NFE2L2: variants seen among roughly 807,000 people sequenced by gnomAD.
The protein encoded by NFE2L2 is NFE2 like bZIP transcription factor 2.
Under a neutral mutation model 49.6 loss-of-function variants are expected in NFE2L2, and 20 were observed. The observed-to-expected ratio is 0.40, with a 90% CI of 0.28 to 0.59. The LOEUF (loss-of-function observed/expected upper bound fraction) is 0.59. Among genes scored for constraint, NFE2L2 ranks in the 20% least tolerant of loss-of-function variants. The probability of loss-of-function intolerance (pLI) is 0.40; values close to 1 mark genes in which losing one functional copy is unlikely to be tolerated. For synonymous variants in NFE2L2, 244 were observed against 256.5 expected (o/e 0.95, Z 0.47); for missense variants, 578 against 714.2 (o/e 0.81, Z 2.17).
chr2:177,244,552 A>G (rs1690057380), intron 1 of NFE2L2, among the ~76,000 whole-genome samples: 1 of 152,192 alleles, frequency 6.6e-6, no homozygotes, highest in Admixed American at 6.5e-5. Flanking sequence ...CTGCACAGAA[A>G]GACCTCACAG....
In NFE2L2 at chr2:177,232,409, A is replaced by C. The variant is rs772340979; in HGVS notation, c.577T>G (p.Ser193Ala). ...DIEQVWEELL[S>A]IPELQCLNIE... ...TTAGTTACCTGTAACTCAGGAATGG[A>C]TAATAGCTCCTCCCAAACTTGCTCA... The change falls in exon 4 of 5, where the codon TCC (serine) becomes GCC (alanine). Residue 193 changes from serine to alanine, a missense_variant. Physicochemically the swap from Ser to Ala is moderately conservative, Grantham distance 99. Around this residue, in one of 3 missense-constraint regions of NFE2L2, gnomAD observed 368 missense variants for 384.6 expected, o/e 0.96. Transcript: ENST00000397062. 1 of 1,613,616 alleles carries C rather than the reference A, an allele frequency of 6.2e-7. No homozygotes were observed.
chr2:177,252,562 C>T (rs1690381327), intron 1 of NFE2L2, among the ~76,000 whole-genome samples: 1 of 152,142 alleles, frequency 6.6e-6, no homozygotes, highest in African/African-American at 2.4e-5. Flanking sequence ...CTCTCTGTGC[C>T]ACCTTGAGGA....
intron 1 of NFE2L2, among the ~76,000 whole-genome samples, chr2:177,259,801 G>A (rs1044826635): frequency 6.6e-5 from 10 of 152,000 alleles, no homozygotes; most frequent in Admixed American, 5.2e-4. Context: ...GCGTGGTGGC[G>A]GGTGCCTGTA....
At chr2:177,252,627 C>T (rs187858565) in intron 1 of NFE2L2, among the ~76,000 whole-genome samples, 1 of 145,080 alleles carries the variant, frequency 6.9e-6, no homozygotes, top group Admixed American at 7.1e-5. Context: ...TTTTTCCTCC[C>T]CTTTCATCAG....
At chr2:177,246,884 C>T (rs531658074) in intron 1 of NFE2L2, among the ~76,000 whole-genome samples, 12 of 151,792 alleles carry the variant, frequency 7.9e-5, no homozygotes, top group African/African-American at 2.9e-4. Flanking sequence ...AGGCGTGAGC[C>T]ACTGCACCCA....
At chr2:177,242,883 T>TCCC (rs1377039721) in intron 1 of NFE2L2, among the ~76,000 whole-genome samples, 1 of 151,490 alleles carries the variant, frequency 6.6e-6, no homozygotes, top group Non-Finnish European at 1.5e-5. Flanking sequence ...CACATCTGAG[T>TCCC]CCCCAAGGAG....
chr2:177,245,805 T>C (rs541832711), intron 1 of NFE2L2, among the ~76,000 whole-genome samples: 58 of 152,292 alleles, frequency 3.8e-4, no homozygotes, highest in African/African-American at 1.3e-3. Flanking sequence ...GGATGGGGTT[T>C]TGCCATGTTG....
chr2:177,240,174 A>G (rs1341334877), intron 1 of NFE2L2, among the ~76,000 whole-genome samples: 1 of 152,200 alleles, frequency 6.6e-6, no homozygotes, highest in African/African-American at 2.4e-5. Context: ...ACAAACAAGA[A>G]CATGACACTG....
chr2:177,263,580 G>A, intron 1 of NFE2L2: 6 of 985,252 alleles, frequency 6.1e-6, no homozygotes, highest in Non-Finnish European at 7.2e-6. Context: ...AGCAGGAAAG[G>A]GCCAACCGAG....
chr2:177,230,876 T>C lies in NFE2L2; in HGVS notation c.1727A>G (p.Tyr576Cys). ...SMLRDEDGKPYSPSEYSLQQT... is the reference protein window; with the variant it reads ...SMLRDEDGKPCSPSEYSLQQT... ...CTGCAGGGAGTATTCACTAGGAGAA[T>C]AAGGTTTTCCATCTTCATCACGTAG... is the stretch of plus-strand genomic sequence containing the variant. The change falls in exon 5 of 5, where the codon TAT (tyrosine) becomes TGT (cysteine). Residue 576 changes from tyrosine to cysteine, a missense_variant. Transcript: ENST00000397062. 6.2e-7 allele frequency: 1 copy of C among 1,613,792 alleles called. No homozygotes were observed. The highest frequency in any genetic ancestry group is 8.5e-7 in the Non-Finnish European group (1 of 1,179,908).
chr2:177,247,285 T>C (rs922901274), intron 1 of NFE2L2, among the ~76,000 whole-genome samples: 3 of 152,178 alleles, frequency 2.0e-5, no homozygotes, highest in African/African-American at 7.2e-5. Flanking sequence ...TAACTGCTTA[T>C]ACAAGGCCTC....
rs1689607824 is a variant in NFE2L2 at position 177,232,925 on chromosome 2, C to G, written c.402+325G>C. ...GAACAAGTCTTCGTTTATTGCCCAG[C>G]TGGCTCTTTACTCACCAAACCTCTT... On this transcript the variant is annotated intron_variant, in intron 3 of 4. Transcript: ENST00000397062. 6 of 477,798 alleles carry G rather than the reference C, an allele frequency of 1.3e-5. No individual in the cohort carries two copies. The East Asian group carries it at 2.0e-4, about 16-fold the overall frequency. The allele number at this position is 477,798 out of a possible 1,614,324, so 29.6% of individuals were successfully genotyped here. A position where few individuals can be genotyped will look rare whatever the true frequency, so the allele number is the denominator to read the frequency against.
intron 1 of NFE2L2, among the ~76,000 whole-genome samples, chr2:177,262,516 A>G (rs1182788341): frequency 6.6e-6 from 1 of 152,246 alleles, no homozygotes; most frequent in Non-Finnish European, 1.5e-5. Context: ...TCAAATCTTT[A>G]TGGATGACAA....
Position 177,231,771 on chromosome 2 carries a change from T to C in NFE2L2, c.832A>G (p.Asn278Asp). 1 of 1,614,246 alleles carries C rather than the reference T, an allele frequency of 6.2e-7. No homozygotes were observed. The highest frequency in any genetic ancestry group is 8.5e-7 in the Non-Finnish European group (1 of 1,180,026). Residue 278 changes from asparagine to aspartate, a missense_variant, in exon 5 of 5, where the codon AAC becomes GAC. Transcript: ENST00000397062. ...VNSLNSDATV[N>D]TDFGDEFYSA... is the part of the protein sequence containing the mutation. ...TAAAATTCATCACCAAAATCTGTGT[T>C]GACTGTGGCATCTGAATTTAATGAG...
At chr2:177,252,628 C>T (rs1338437385) in intron 1 of NFE2L2, among the ~76,000 whole-genome samples, 1 of 144,418 alleles carries the variant, frequency 6.9e-6, no homozygotes, top group Non-Finnish European at 1.5e-5. Flanking sequence ...TTTTCCTCCC[C>T]TTTCATCAGT....
rs899078350 is a variant in NFE2L2 at position 177,252,681 on chromosome 2, G to A, written c.45+11851C>T. Among the ~76,000 whole-genome samples the A allele has an allele frequency of 5.3e-5, 8 of 152,028 alleles. No homozygotes were observed. In the South Asian group the frequency reaches 1.0e-3, roughly 20 times the overall value. On this transcript the variant is annotated intron_variant, in intron 1 of 4. Coordinates refer to ENST00000397062, the MANE Select transcript of NFE2L2 (RefSeq NM_006164.5). The stretch of plus-strand genomic sequence containing the variant: ...AGTATTTTTAAAGCACAGGAACAGC[G>A]GAGCATGCAAGCTTGAGCACAATCC...
chr2:177,246,598 TC>T (rs1690138857), intron 1 of NFE2L2, among the ~76,000 whole-genome samples: 1 of 149,312 alleles, frequency 6.7e-6, no homozygotes, highest in African/African-American at 2.5e-5. Context: ...TGTCCCTTTT[TC>T]TTTTTTTTCT....
intron 1 of NFE2L2, among the ~76,000 whole-genome samples, chr2:177,262,675 C>A (rs1489852741): frequency 6.6e-6 from 1 of 152,166 alleles, no homozygotes; most frequent in Non-Finnish European, 1.5e-5. Flanking sequence ...TAATGCGGTA[C>A]ATATGTTTCA....
At position 177,231,596 on chromosome 2, in the gene NFE2L2, G is replaced by A. The variant is rs1373655177; in HGVS notation, c.1007C>T (p.Thr336Ile). Residue 336 changes from threonine (T) to isoleucine (I), a missense_variant, in exon 5 of 5, where the codon ACA becomes ATA. Physicochemically the swap from Thr to Ile is moderately conservative, Grantham distance 89. Coordinates refer to ENST00000397062, the MANE Select transcript of NFE2L2 (RefSeq NM_006164.5). ...KAFNQNHPES[T>I]AEFNDSDSGI... ...GGAGTCAGAATCATTGAATTCTGCT[G>A]TGCTTTCAGGGTGGTTTTGGTTGAA... The A allele has an allele frequency of 2.5e-6, 4 of 1,614,216 alleles. No individual in the cohort carries two copies. Among genetic ancestry groups the A allele is most frequent in the Non-Finnish European group, 3.4e-6 (4 of 1,180,028 alleles).
Sources: allele counts gnomAD v4.1 joint callset (sites outside exome capture counted in the v4.1 genomes callset), GRCh38; gene constraint gnomAD v4.1.1; regional missense constraint gnomAD v4.1.1; transcripts MANE v1.5; gene names NCBI Gene and HGNC (gene_info 2026-07-23, HGNC 2026-07-21).